MAP2: variants seen among roughly 807,000 people sequenced by gnomAD.
MAP2 encodes the protein microtubule-associated protein 2.
A neutral mutation model predicts 137.6 loss-of-function variants in MAP2; 14 were observed. That is an observed-to-expected ratio of 0.10 (90% confidence interval 0.07 to 0.16). MAP2 has a LOEUF of 0.16. MAP2 is among the 10% of genes least tolerant of loss of function. The pLI, the probability that MAP2 is intolerant of heterozygous loss-of-function variation, is 1.00. For missense variants in MAP2, 2,088 were observed against 2,191.5 expected (o/e 0.95, Z 0.94); for synonymous variants, 786 against 782.3 (o/e 1.00, Z -0.08).
intron 3 of MAP2, among the ~76,000 whole-genome samples, chr2:209,621,315 A>G (rs1318579972): frequency 7.0e-6 from 1 of 143,750 alleles, no homozygotes; most frequent in African/African-American, 2.6e-5. Context: ...CTGGAGTACA[A>G]TGGCACGATC....
chr2:209,648,547 A>G (rs930443418), intron 4 of MAP2, among the ~76,000 whole-genome samples: 3 of 149,690 alleles, frequency 2.0e-5, no homozygotes, highest in African/African-American at 7.4e-5. Context: ...CCTTGCTCAC[A>G]TTATCAAGCT....
rs149537759 is a variant in MAP2, at chr2:209,716,119, C to G, written c.5073+5865C>G. Among the ~76,000 whole-genome samples the G allele has an allele frequency of 4.0e-3, 603 of 152,278 alleles. 1 individual carries two copies. Among genetic ancestry groups the G allele is most frequent in the Non-Finnish European group, 6.3e-3 (426 of 68,018 alleles). On this transcript the variant is annotated intron_variant, in intron 13 of 15. Transcript: ENST00000682079. The stretch of plus-strand genomic sequence containing the variant: ...TGTTGTTTGCTCTATCTGATGTACT[C>G]TCTATACTGTAACCAAACTTTCTCA...
At chr2:209,474,375 T>G (rs1313112129) in intron 1 of MAP2, among the ~76,000 whole-genome samples, 1 of 152,128 alleles carries the variant, frequency 6.6e-6, no homozygotes, top group African/African-American at 2.4e-5. Flanking sequence ...TTTGTATAAT[T>G]TATGTTACAG....
chr2:209,534,376 C>T (rs1577360905), intron 2 of MAP2, among the ~76,000 whole-genome samples: 1 of 152,132 alleles, frequency 6.6e-6, no homozygotes, highest in African/African-American at 2.4e-5. Context: ...GTGATTGTCT[C>T]ATTCTAGTTC....
chr2:209,695,802 C>A lies in MAP2; in HGVS notation c.3632C>A (p.Ser1211Tyr), dbSNP rs139321161. The change falls in exon 8 of 16, where the codon TCC (serine) becomes TAC (tyrosine). Residue 1211 changes from serine (S) to tyrosine (Y), a missense_variant. Ser to Tyr is a moderately radical substitution (Grantham distance 144). Transcript: ENST00000682079. ...KEESKETPDI[S>Y]ITPSDVAEPL... Reference sequence around the variant, plus strand: ...GAAAGCAAAGAGACCCCAGATATATCCATCACGCCTTCTGATGTTGCAGAG... The same window carrying A: ...GAAAGCAAAGAGACCCCAGATATATACATCACGCCTTCTGATGTTGCAGAG... 13 of 1,614,036 alleles carry A rather than the reference C, an allele frequency of 8.1e-6. No homozygotes were observed. Among genetic ancestry groups the A allele is most frequent in the Non-Finnish European group, 1.1e-5 (13 of 1,179,992 alleles).
At chr2:209,434,693 A>C (rs1277062780) in intron 1 of MAP2, among the ~76,000 whole-genome samples, 3 of 150,812 alleles carry the variant, frequency 2.0e-5, no homozygotes, top group Admixed American at 6.6e-5. Context: ...GTGATAGTGC[A>C]TGTCTGTAGT....
chr2:209,624,954 A>G (rs992965730), intron 3 of MAP2, 99 bp from the exon 4 acceptor site: 14 of 152,322 alleles, frequency 9.2e-5, no homozygotes, highest in Admixed American at 5.9e-4. Context: ...TAGTTGCCAG[A>G]AGAGAAAGCC....
At chr2:209,465,507 A>G (rs1013090518) in intron 1 of MAP2, among the ~76,000 whole-genome samples, 1 of 152,174 alleles carries the variant, frequency 6.6e-6, no homozygotes, top group Non-Finnish European at 1.5e-5. Context: ...TTTCTAGTCT[A>G]CTTTCTCTAA....
intron 5 of MAP2, among the ~76,000 whole-genome samples, chr2:209,666,180 G>A (rs1269245080): frequency 6.6e-6 from 1 of 152,172 alleles, no homozygotes; most frequent in Middle Eastern, 3.4e-3. Context: ...TTTCCTTCGA[G>A]CTTTACTGGA....
intron 4 of MAP2, among the ~76,000 whole-genome samples, chr2:209,636,408 G>C (rs116218194): frequency 6.6e-6 from 1 of 152,074 alleles, no homozygotes; most frequent in Non-Finnish European, 1.5e-5. Context: ...CAGTGTGTAA[G>C]CCTTTTTGTT....
At chr2:209,649,616 A>G (rs1404396122) in intron 4 of MAP2, among the ~76,000 whole-genome samples, 1 of 152,212 alleles carries the variant, frequency 6.6e-6, no homozygotes, top group Admixed American at 6.5e-5. Flanking sequence ...TTTTCAAGTT[A>G]TATTTTCTGT....
intron 1 of MAP2, among the ~76,000 whole-genome samples, chr2:209,476,513 C>T (rs1025151657): frequency 3.3e-5 from 5 of 151,832 alleles, no homozygotes; most frequent in Non-Finnish European, 7.4e-5. Flanking sequence ...CTGGTCAGAG[C>T]CCTATTTCCC....
intron 2 of MAP2, among the ~76,000 whole-genome samples, chr2:209,568,221 C>T (rs904180232): frequency 6.6e-6 from 1 of 151,950 alleles, no homozygotes; most frequent in Admixed American, 6.6e-5. Flanking sequence ...CCCTAGGGTA[C>T]ACTGTCCCCT....
At position 209,730,291 on chromosome 2, in the gene MAP2, G is replaced by C; in HGVS notation, c.5378G>C (p.Arg1793Pro). The change falls in exon 16 of 16, where the codon CGA (arginine) becomes CCA (proline). Residue 1793 changes from arginine to proline, a missense_variant. Physicochemically the swap from Arg to Pro is moderately radical, Grantham distance 103 (BLOSUM62 -2). Coordinates refer to ENST00000682079, the MANE Select transcript of MAP2 (RefSeq NM_001375505.1). ...AGATCCAGCGTGGCATCACCCCGAC[G>C]ACTCAGCAATGTCTCCTCGTCTGGA... ...PGRSSVASPR[R>P]LSNVSSSGSI... 6.2e-7 allele frequency: 1 copy of C among 1,614,056 alleles called. No individual in the cohort carries two copies. The highest frequency in any genetic ancestry group is 8.5e-7 in the Non-Finnish European group (1 of 1,179,984).
intron 2 of MAP2, among the ~76,000 whole-genome samples, chr2:209,546,430 C>T (rs1339922411): frequency 6.6e-6 from 1 of 152,108 alleles, no homozygotes; most frequent in Non-Finnish European, 1.5e-5. Context: ...TATGTATTAT[C>T]AATATTGTCA....
At chr2:209,672,686 C>T (rs1434605289) in intron 5 of MAP2, among the ~76,000 whole-genome samples, 2 of 151,742 alleles carry the variant, frequency 1.3e-5, no homozygotes, top group Non-Finnish European at 2.9e-5. Flanking sequence ...TATCTTTATC[C>T]ATTATTTTGC....
At chr2:209,600,358 T>G (rs2082628035) in intron 3 of MAP2, among the ~76,000 whole-genome samples, 1 of 152,194 alleles carries the variant, frequency 6.6e-6, no homozygotes, top group Admixed American at 6.5e-5. Flanking sequence ...TGTTAAGAGT[T>G]CAGCTGTTTC....
chr2:209,566,192 G>GT (rs937610241), intron 2 of MAP2, among the ~76,000 whole-genome samples: 3 of 152,124 alleles, frequency 2.0e-5, no homozygotes, highest in Admixed American at 6.6e-5. Flanking sequence ...ATCAATACAC[G>GT]TAAGTCCTGA....
chr2:209,621,067 T>C (rs113363823), intron 3 of MAP2, among the ~76,000 whole-genome samples: 22,700 of 151,054 alleles, frequency 0.15, 2,254 homozygotes, highest in African/African-American at 0.28. Flanking sequence ...TGGTGGCACA[T>C]ACCTGTAATC....
Sources: gnomAD v4.1 joint callset for allele counts (sites outside exome capture counted in the v4.1 genomes callset) on GRCh38, gnomAD v4.1.1 for gene constraint, MANE v1.5 for transcripts, NCBI Gene and HGNC (gene_info 2026-07-23, HGNC 2026-07-21) for gene names.